Variants in PCDHGB1 observed in about 807,000 individuals in gnomAD.
PCDHGB1 encodes the protein protocadherin gamma-B1.
A neutral mutation model predicts 56.6 loss-of-function variants in PCDHGB1; 34 were observed. That is an observed-to-expected ratio of 0.60 (90% CI 0.46 to 0.80). The LOEUF (loss-of-function observed/expected upper bound fraction) is 0.80, where lower values mean the gene tolerates loss of function less well. PCDHGB1 is among the 30% of genes least tolerant of loss of function. The probability of loss-of-function intolerance (pLI) is 0.00; values close to 1 mark genes in which losing one functional copy is unlikely to be tolerated. For synonymous variants in PCDHGB1, 561 were observed against 505.9 expected (o/e 1.11, Z -1.46); for missense variants, 1,278 against 1,204.6 (o/e 1.06, Z -0.90).
intron 1 of PCDHGB1, chr5:141,356,284 C>G (rs2149790554): frequency 1.3e-6 from 2 of 1,556,978 alleles, no homozygotes; most frequent in East Asian, 4.8e-5. Context: ...ATCTTCTTCC[C>G]CGGGTACAGT....
At chr5:141,394,684 G>C in intron 1 of PCDHGB1, 1 of 1,612,090 alleles carries the variant, frequency 6.2e-7, no homozygotes, top group South Asian at 1.1e-5. Flanking sequence ...CTGCACACGG[G>C]CGAGGTGCGC....
chr5:141,487,803 A>G lies in PCDHGB1; in HGVS notation c.2410-7004A>G. On this transcript the variant is annotated intron_variant, in intron 1 of 3. Transcript: ENST00000523390. The surrounding 1 kb of genome is among the most constrained non-coding windows in gnomAD (Gnocchi z 5.0). ...TTCGTGAATTAACCAGAGTTGTCAC[A>G]GTTTAGCATTGGGGGCGGGTCATGC... 2.0e-6 allele frequency: 3 copies of G among 1,466,166 alleles called. No individual in the cohort carries two copies. The highest frequency in any genetic ancestry group is 2.8e-6 in the Non-Finnish European group (3 of 1,084,448). The allele number at this position is 1,466,166 out of a possible 1,614,324, so 90.8% of individuals were successfully genotyped here. A position where few individuals can be genotyped will look rare whatever the true frequency, so the allele number is the denominator to read the frequency against.
At chr5:141,418,794 TAGAA>T in intron 1 of PCDHGB1, 1 of 1,613,706 alleles carries the variant, frequency 6.2e-7, no homozygotes, top group South Asian at 1.1e-5. Flanking sequence ...TTTGAAGAAG[TAGAA>T]AGATATACGA....
At chr5:141,460,488 T>C (rs1226287742) in intron 1 of PCDHGB1, among the ~76,000 whole-genome samples, 1 of 152,186 alleles carries the variant, frequency 6.6e-6, no homozygotes, top group Admixed American at 6.6e-5. Flanking sequence ...ATTGTCTCTT[T>C]GGAAAAATAT....
At chr5:141,372,316 G>A (rs1188130035) in intron 1 of PCDHGB1, 6 of 1,613,520 alleles carry the variant, frequency 3.7e-6, no homozygotes, top group Non-Finnish European at 5.1e-6. Flanking sequence ...GCCCGCCAGC[G>A]CCTGCTGGTC....
At chr5:141,385,424 C>T in intron 1 of PCDHGB1, 2 of 1,461,926 alleles carry the variant, frequency 1.4e-6, no homozygotes, top group Non-Finnish European at 1.8e-6. Context: ...ATTTAAAAAA[C>T]TTTATAGAGG....
intron 1 of PCDHGB1, chr5:141,371,391 G>A (rs1356149825): frequency 6.2e-7 from 1 of 1,614,004 alleles, no homozygotes; most frequent in Admixed American, 1.7e-5. Flanking sequence ...ATATTGTAAA[G>A]TACAGATAGA....
At chr5:141,401,113 G>A (rs2094114942) in intron 1 of PCDHGB1, among the ~76,000 whole-genome samples, 1 of 152,192 alleles carries the variant, frequency 6.6e-6, no homozygotes, top group Non-Finnish European at 1.5e-5. Flanking sequence ...GGAGGCCGAG[G>A]CGGTTGGATC....
chr5:141,450,829 A>ATTTTTT (rs373424450), intron 1 of PCDHGB1, among the ~76,000 whole-genome samples: 1 of 135,126 alleles, frequency 7.4e-6, no homozygotes. Context: ...TATTATTATT[A>ATTTTTT]TTTTTTTTTT....
chr5:141,414,864 G>A (rs766848727), intron 1 of PCDHGB1: 2 of 1,614,174 alleles, frequency 1.2e-6, no homozygotes, highest in South Asian at 2.2e-5. Context: ...ACGACAATGC[G>A]CCCGAGATCC....
At chr5:141,440,443 T>A (rs979101512) in intron 1 of PCDHGB1, 2 of 152,152 alleles carry the variant, frequency 1.3e-5, no homozygotes, top group Admixed American at 1.3e-4. Flanking sequence ...CAAGGCGCCA[T>A]CTCAAAAAAA....
At chr5:141,378,934 C>G (rs1228381656) in intron 1 of PCDHGB1, 3 of 152,166 alleles carry the variant, frequency 2.0e-5, no homozygotes, top group Non-Finnish European at 2.9e-5. Flanking sequence ...GTTGATGGCC[C>G]TGGAATGAAT....
chr5:141,382,260 G>T (rs1033176333), intron 1 of PCDHGB1, among the ~76,000 whole-genome samples: 8 of 152,108 alleles, frequency 5.3e-5, no homozygotes, highest in African/African-American at 1.4e-4. Context: ...GCATCATGGT[G>T]TCTAGAACAT....
At chr5:141,478,755 A>G in intron 1 of PCDHGB1, 1 of 1,519,784 alleles carries the variant, frequency 6.6e-7, no homozygotes, top group South Asian at 1.3e-5. Flanking sequence ...TTCAGGGGGA[A>G]GATACTTGAC....
chr5:141,482,546 A>C (rs1489817593), intron 1 of PCDHGB1, among the ~76,000 whole-genome samples: 1 of 151,868 alleles, frequency 6.6e-6, no homozygotes, highest in African/African-American at 2.4e-5. Context: ...AAAAAAAAAA[A>C]AAAGATAATG....
At chr5:141,395,508 A>G (rs1313015738) in intron 1 of PCDHGB1, 3 of 461,062 alleles carry the variant, frequency 6.5e-6, no homozygotes, top group Non-Finnish European at 1.1e-5. Flanking sequence ...CTTAAGAAGT[A>G]GCTACCCGTC....
At chr5:141,370,806 A>C in intron 1 of PCDHGB1, 1 of 1,614,054 alleles carries the variant, frequency 6.2e-7, no homozygotes, top group Non-Finnish European at 8.5e-7. Context: ...CCAAAATATC[A>C]CTGAGCTGGA....
At chr5:141,495,960 C>G (rs1380397345) in intron 2 of PCDHGB1, among the ~76,000 whole-genome samples, 2 of 151,998 alleles carry the variant, frequency 1.3e-5, no homozygotes, top group East Asian at 3.9e-4. Context: ...CTTTTTCTGC[C>G]TCTTTCTCTG....
intron 1 of PCDHGB1, among the ~76,000 whole-genome samples, chr5:141,449,525 G>T (rs2098641561): frequency 6.7e-6 from 1 of 148,580 alleles, no homozygotes; most frequent in South Asian, 2.1e-4. Flanking sequence ...GGAGGCGGAG[G>T]TTGCAGTGAG....
Sources: gnomAD v4.1 joint callset for allele counts (sites outside exome capture counted in the v4.1 genomes callset) on GRCh38, gnomAD v4.1.1 for gene constraint, Gnocchi (gnomAD v3.1) non-coding constraint, MANE v1.5 for transcripts, NCBI Gene and HGNC (gene_info 2026-07-23, HGNC 2026-07-21) for gene names.